The following MRNIP variants were observed in gnomAD, a reference collection of about 807,000 sequenced individuals.
MRNIP encodes the protein MRN complex interacting protein.
Under a neutral mutation model 29.8 loss-of-function variants are expected in MRNIP, and 30 were observed. That is an observed-to-expected ratio of 1.01 (90% confidence interval 0.75 to 1.36). The LOEUF (loss-of-function observed/expected upper bound fraction) is 1.36. Among genes scored for constraint, MRNIP ranks in the 40% most tolerant of loss-of-function variants. MRNIP has a pLI of 0.00. For synonymous variants in MRNIP, 201 were observed against 164.1 expected (o/e 1.23, Z -1.72); for missense variants, 459 against 423.5 (o/e 1.08, Z -0.74).
rs771844281 is a variant in MRNIP at position 179,837,448 on chromosome 5, T to C, written c.975A>G (p.Arg325=). Reference sequence around the variant, plus strand: ...TAAAGAGGTCACATAGTCGTGTGGGTCGAGGATTCTGTGCCTCCAGGACCA... The same window carrying C: ...TAAAGAGGTCACATAGTCGTGTGGGCCGAGGATTCTGTGCCTCCAGGACCA... ...GPLVLEAQNP[R]PTRLCDLFIT... The change falls in exon 7 of 7, where the codon CGA becomes CGG. Residue 325 remains arginine, a synonymous_variant. Coordinates refer to ENST00000292586, the MANE Select transcript of MRNIP (RefSeq NM_016175.4). 2 of 1,612,064 alleles carry C rather than the reference T, an allele frequency of 1.2e-6. No homozygotes were observed. Among genetic ancestry groups the C allele is most frequent in the South Asian group, 2.2e-5 (2 of 90,946 alleles).
intron 4 of MRNIP, 76 bp downstream of exon 4, chr5:179,844,076 G>C (rs948739981): frequency 1.6e-6 from 2 of 1,214,454 alleles, no homozygotes; most frequent in Admixed American, 1.9e-5. Flanking sequence ...TTGCTATAAT[G>C]ACTACTGGAT....
intron 6 of MRNIP, 124 bp downstream of exon 6, chr5:179,840,748 C>T (rs777080325): frequency 8.0e-6 from 6 of 751,854 alleles, no homozygotes; most frequent in South Asian, 1.6e-5. Flanking sequence ...ACAAGAAACC[C>T]GGGTGGGAAG....
rs1582033652 is a variant in MRNIP at position 179,837,695 on chromosome 5, T to C, written c.728A>G (p.Asp243Gly). The change falls in exon 7 of 7, where the codon GAC becomes GGC. Residue 243 changes from aspartate to glycine, a missense_variant. By Grantham distance (94) the Asp-to-Gly change is moderately conservative. Transcript: ENST00000292586. ...CTGAAGAGACCTTGGCTGCTCACTG[T>C]CCACATGTGAACTTTTTCTAGGTGG... ...VLPPRKSSHV[D>G]SEQPRSLQRD... 6.2e-7 allele frequency: 1 copy of C among 1,614,232 alleles called. No individual in the cohort carries two copies. The highest frequency in any genetic ancestry group is 2.2e-5 in the East Asian group (1 of 44,890).
intron 3 of MRNIP, among the ~76,000 whole-genome samples, chr5:179,845,088 C>G (rs746602241): frequency 2.0e-5 from 3 of 152,162 alleles, no homozygotes; most frequent in Non-Finnish European, 2.9e-5. Context: ...ATATTTTCTA[C>G]TTTTCCATTT....
intron 2 of MRNIP, chr5:179,851,540 G>C: frequency 2.3e-6 from 1 of 431,686 alleles, no homozygotes; most frequent in Non-Finnish European, 4.7e-6. Context: ...TCAGTTCTTG[G>C]GGCTAGTTTT....
At chr5:179,846,618 T>C (rs989657621) in intron 3 of MRNIP, among the ~76,000 whole-genome samples, 1 of 152,174 alleles carries the variant, frequency 6.6e-6, no homozygotes, top group African/African-American at 2.4e-5. Flanking sequence ...TGAAGATATA[T>C]TGCTGCAAAG....
At chr5:179,849,184 C>A (rs1319627682) in intron 2 of MRNIP, among the ~76,000 whole-genome samples, 2 of 146,858 alleles carry the variant, frequency 1.4e-5, no homozygotes, top group African/African-American at 5.1e-5. Flanking sequence ...TGCTATGGCA[C>A]AGGCAGATGG....
At chr5:179,845,739 G>C (rs143712280) in intron 3 of MRNIP, 2 of 151,868 alleles carry the variant, frequency 1.3e-5, no homozygotes, top group African/African-American at 4.8e-5. Flanking sequence ...CAAATAATCC[G>C]CCTGCCTTGG....
chr5:179,854,221 C>T (rs1391339466), intron 1 of MRNIP, among the ~76,000 whole-genome samples: 1 of 151,044 alleles, frequency 6.6e-6, no homozygotes, highest in African/African-American at 2.4e-5. Flanking sequence ...GGGGTTTCAC[C>T]GTGTTGGCCA....
chr5:179,844,076 G>A, intron 4 of MRNIP, 76 bp downstream of exon 4: 2 of 1,214,454 alleles, frequency 1.6e-6, no homozygotes, highest in Non-Finnish European at 2.4e-6. Context: ...TTGCTATAAT[G>A]ACTACTGGAT....
At chr5:179,840,306 G>A (rs116014307) in intron 6 of MRNIP, 1,892 of 154,000 alleles carry the variant, frequency 0.012, 37 homozygotes, top group African/African-American at 0.043. Context: ...GCTACTTGGC[G>A]GCTGAGGCAG....
At chr5:179,845,669 T>C (rs1200273201) in intron 3 of MRNIP, among the ~76,000 whole-genome samples, 5 of 151,212 alleles carry the variant, frequency 3.3e-5, no homozygotes, top group African/African-American at 1.2e-4. Context: ...TTGACTTTTG[T>C]ATTTTTAGTA....
chr5:179,838,115 CAA>C, intron 6 of MRNIP: 1 of 587,756 alleles, frequency 1.7e-6, no homozygotes, highest in Non-Finnish European at 3.0e-6. Context: ...TTTCCAAAAA[CAA>C]GACATTCTCA....
At position 179,837,290 on chromosome 5, in the gene MRNIP, TTTA is replaced by T; in HGVS notation, c.*98_*100del. The stretch of plus-strand genomic sequence containing the variant: ...ATAGAGAGAAATGATTGACAGTAAG[TTTA>T]TTGTTAATGGTTCTTACAGAGTATC... On this transcript the variant is annotated 3_prime_UTR_variant, in exon 7 of 7. Coordinates refer to ENST00000292586, the MANE Select transcript of MRNIP (RefSeq NM_016175.4). 2 of 1,607,536 alleles carry T rather than the reference TTTA, an allele frequency of 1.2e-6. No individual in the cohort carries two copies. Among genetic ancestry groups the T allele is most frequent in the South Asian group, 2.2e-5 (2 of 90,380 alleles).
At chr5:179,853,262 C>T (rs753745249) in intron 2 of MRNIP, 116 bp downstream of exon 2, 9 of 1,587,962 alleles carry the variant, frequency 5.7e-6, no homozygotes, top group African/African-American at 4.0e-5. Context: ...GCAGGAGCTC[C>T]GTGTCTGGGG....
chr5:179,853,086 A>G (rs567935970), intron 2 of MRNIP: 2 of 611,980 alleles, frequency 3.3e-6, no homozygotes, highest in South Asian at 3.7e-5. Context: ...ACACAAGTGC[A>G]TCTGTGAGGG....
intron 2 of MRNIP, among the ~76,000 whole-genome samples, chr5:179,850,028 A>G (rs1002908656): frequency 8.6e-5 from 13 of 151,772 alleles, no homozygotes; most frequent in Admixed American, 8.5e-4. Context: ...AGGTCCCGCT[A>G]TCGCACAGGC....
intron 2 of MRNIP, among the ~76,000 whole-genome samples, chr5:179,850,908 CTAGAAGCACAGT>C (rs1759341244): frequency 5.1e-5 from 1 of 19,582 alleles, no homozygotes; most frequent in Admixed American, 7.7e-4. Context: ...TTCTCAGTGG[CTAGAAGCACAGT>C]GGCTAGAAGC....
At chr5:179,857,731 C>T (rs141674816) in intron 1 of MRNIP, among the ~76,000 whole-genome samples, 9 of 152,146 alleles carry the variant, frequency 5.9e-5, no homozygotes, top group Admixed American at 5.9e-4. Context: ...GTCTGATCCA[C>T]GCCGGGCACA....
Sources: gnomAD v4.1 joint callset for allele counts (sites outside exome capture counted in the v4.1 genomes callset) on GRCh38, gnomAD v4.1.1 for gene constraint, MANE v1.5 for transcripts, NCBI Gene and HGNC (gene_info 2026-07-23, HGNC 2026-07-21) for gene names.